The following ITPR1 variants were observed in gnomAD, a reference collection of about 807,000 sequenced individuals.
ITPR1 encodes the protein inositol 1,4,5-trisphosphate-gated calcium channel ITPR1.
Under a neutral mutation model 318.4 loss-of-function variants are expected in ITPR1, and 96 were observed. That is an observed-to-expected ratio of 0.30 (90% confidence interval 0.26 to 0.36). The LOEUF (loss-of-function observed/expected upper bound fraction) is 0.36, where lower values mean the gene tolerates loss of function less well. Ranked by LOEUF, ITPR1 falls within the 10% of genes least tolerant of loss-of-function variation. The probability of loss-of-function intolerance (pLI) is 1.00; values close to 1 mark genes in which losing one functional copy is unlikely to be tolerated. For missense variants in ITPR1, 2,440 were observed against 3,460.2 expected, an observed-to-expected ratio of 0.71 and a Z score of 7.40; for synonymous variants, 1,312 against 1,289.9, an observed-to-expected ratio of 1.02 and a Z score of -0.37.
At chr3:4,805,466 GC>G (rs1339055989) in intron 54 of ITPR1, among the ~76,000 whole-genome samples, 1 of 152,172 alleles carries the variant, frequency 6.6e-6, no homozygotes, top group Non-Finnish European at 1.5e-5. Context: ...CCAGGTTGGA[GC>G]CCCACCCAGA....
At chr3:4,613,054 A>C (rs998244919) in intron 4 of ITPR1, among the ~76,000 whole-genome samples, 15 of 152,218 alleles carry the variant, frequency 9.9e-5, no homozygotes, top group African/African-American at 3.6e-4. Flanking sequence ...ACATGGGCCC[A>C]AGGTGGTTGG....
At chr3:4,626,420 G>C (rs1185352476) in intron 4 of ITPR1, among the ~76,000 whole-genome samples, 3 of 152,228 alleles carry the variant, frequency 2.0e-5, no homozygotes, top group Non-Finnish European at 4.4e-5. Context: ...AGTGGTTTTA[G>C]TTATGATTTT....
intron 34 of ITPR1, 43 bp from the exon 35 acceptor site, chr3:4,699,770 G>A (rs942764403): frequency 3.5e-5 from 56 of 1,597,064 alleles, no homozygotes; most frequent in Non-Finnish European, 4.6e-5. Context: ...AATGTTTGGT[G>A]TAGGTTTTGG....
At chr3:4,676,883 C>G (rs1171821690) in intron 24 of ITPR1, 82 bp downstream of exon 24, 1 of 1,081,992 alleles carries the variant, frequency 9.2e-7, no homozygotes, top group Non-Finnish European at 1.3e-6. Context: ...CTGATGGAGC[C>G]CAAGGCTTTC....
At chr3:4,738,940 C>T (rs1364391850) in intron 44 of ITPR1, among the ~76,000 whole-genome samples, 5 of 151,854 alleles carry the variant, frequency 3.3e-5, no homozygotes, top group South Asian at 2.1e-4. Flanking sequence ...TTCTCCTCCC[C>T]GCTTCTGTGA....
chr3:4,548,176 AT>A (rs1353145073), intron 4 of ITPR1, among the ~76,000 whole-genome samples: 1 of 152,204 alleles, frequency 6.6e-6, no homozygotes, highest in African/African-American at 2.4e-5. Context: ...CCAAGATTAA[AT>A]TGCAATTGAG....
chr3:4,775,936 G>T (rs1019073049), intron 47 of ITPR1, among the ~76,000 whole-genome samples: 1 of 152,222 alleles, frequency 6.6e-6, no homozygotes, highest in Admixed American at 6.5e-5. Flanking sequence ...AGAAAGATGA[G>T]ATAGTCTTGA....
At chr3:4,737,840 G>A (rs962377227) in intron 44 of ITPR1, among the ~76,000 whole-genome samples, 16 of 152,150 alleles carry the variant, frequency 1.1e-4, no homozygotes, top group African/African-American at 2.2e-4. Flanking sequence ...AAACATATTC[G>A]ACCTCTTTGT....
At chr3:4,638,296 G>A (rs2093251446) in intron 5 of ITPR1, among the ~76,000 whole-genome samples, 1 of 152,212 alleles carries the variant, frequency 6.6e-6, no homozygotes, top group South Asian at 2.1e-4. Context: ...TTTCTTCTCA[G>A]TTATTTTACT....
At chr3:4,689,699 G>T (rs2094450805) in intron 31 of ITPR1, among the ~76,000 whole-genome samples, 1 of 152,174 alleles carries the variant, frequency 6.6e-6, no homozygotes, top group South Asian at 2.1e-4. Context: ...CTCAATAACT[G>T]TGGGTAAAAA....
At chr3:4,512,442 G>T (rs1188916038) in intron 2 of ITPR1, among the ~76,000 whole-genome samples, 1 of 152,166 alleles carries the variant, frequency 6.6e-6, no homozygotes, top group Non-Finnish European at 1.5e-5. Context: ...TGAAAGGTTA[G>T]AATGCTCTGT....
At chr3:4,536,239 T>C (rs1366256466) in intron 4 of ITPR1, among the ~76,000 whole-genome samples, 2 of 152,236 alleles carry the variant, frequency 1.3e-5, no homozygotes, top group African/African-American at 2.4e-5. Context: ...TTGTATCTCT[T>C]TGTCAATTAC....
intron 4 of ITPR1, among the ~76,000 whole-genome samples, chr3:4,625,612 A>G (rs2092798262): frequency 6.6e-6 from 1 of 152,160 alleles, no homozygotes; most frequent in Non-Finnish European, 1.5e-5. Flanking sequence ...GCTGGAGTGC[A>G]GTGGTGTGAT....
At chr3:4,619,376 T>C (rs1319581846) in intron 4 of ITPR1, among the ~76,000 whole-genome samples, 1 of 152,194 alleles carries the variant, frequency 6.6e-6, no homozygotes, top group Non-Finnish European at 1.5e-5. Flanking sequence ...CCTCTTGTAT[T>C]GGACCTATGG....
intron 34 of ITPR1, among the ~76,000 whole-genome samples, chr3:4,699,146 C>T (rs925163476): frequency 1.3e-5 from 2 of 151,242 alleles, no homozygotes; most frequent in Non-Finnish European, 2.9e-5. Context: ...TCCAGGAGTT[C>T]GAGACCAGCC....
chr3:4,627,663 A>C, intron 4 of ITPR1, 100 bp from the exon 5 acceptor site: 1 of 729,594 alleles, frequency 1.4e-6, no homozygotes, highest in East Asian at 2.6e-5. Flanking sequence ...GTATGATGTA[A>C]TTTTATGTAA....
chr3:4,596,164 A>C (rs1003508286), intron 4 of ITPR1: 1 of 152,192 alleles, frequency 6.6e-6, no homozygotes. Flanking sequence ...TTAAGTTGCT[A>C]TCTATGTATC....
intron 58 of ITPR1, 25 bp downstream of exon 58, chr3:4,814,587 AG>A: frequency 1.1e-5 from 9 of 800,896 alleles, no homozygotes; most frequent in South Asian, 4.6e-5. Flanking sequence ...AGGGGAAGGA[AG>A]GGCAAAGGGG....
At chr3:4,684,965 A>G (rs2094365605) in intron 29 of ITPR1, 104 bp from the exon 30 acceptor site, 5 of 1,120,974 alleles carry the variant, frequency 4.5e-6, no homozygotes, top group Admixed American at 4.3e-5. Context: ...TACGTTTTTA[A>G]TGCATTATAA....
Sources: gnomAD v4.1 joint callset for allele counts (sites outside exome capture counted in the v4.1 genomes callset) on GRCh38, gnomAD v4.1.1 for gene constraint, MANE v1.5 for transcripts, NCBI Gene and HGNC (gene_info 2026-07-23, HGNC 2026-07-21) for gene names.